Variants in B9D2 observed in about 807,000 individuals in gnomAD.
The protein encoded by B9D2 is B9 domain-containing protein 2.
In B9D2, 21 loss-of-function variants were observed where a neutral mutation model predicts 19.2. The observed-to-expected ratio is 1.09, with a 90% CI of 0.78 to 1.58. The LOEUF (loss-of-function observed/expected upper bound fraction) is 1.58. Among genes scored for constraint, B9D2 ranks in the 40% most tolerant of loss-of-function variants. The probability of loss-of-function intolerance (pLI) is 0.00; values close to 1 mark genes in which losing one functional copy is unlikely to be tolerated. For synonymous variants in B9D2, 91 were observed against 100.6 expected (o/e 0.90, Z 0.57); for missense variants, 221 against 244.3 (o/e 0.90, Z 0.64).
chr19:41,363,951 T>G lies in B9D2; in HGVS notation c.-5+7A>C, dbSNP rs2038463094. The G allele has an allele frequency of 3.1e-6, 1 of 321,942 alleles. No individual in the cohort carries two copies. Among genetic ancestry groups the G allele is most frequent in the South Asian group, 3.2e-5 (1 of 30,998 alleles). 19.9% of individuals were successfully genotyped at this position (321,942 alleles called of 1,614,324 possible). The stretch of plus-strand genomic sequence containing the variant: ...GCCTCTAAGCGCAGCGCATGCGTCA[T>G]TCCTACCTTAGCGCACTTAACGGTT... On this transcript the variant is annotated splice_region_variant and intron_variant, in intron 1 of 3. Transcript: ENST00000243578.
chr19:41,357,745 A>T, intron 3 of B9D2, 152 bp downstream of exon 3: 2 of 1,163,004 alleles, frequency 1.7e-6, no homozygotes, highest in East Asian at 4.9e-5. Context: ...GGAAGGCCTT[A>T]GCTCAGCCTC....
chr19:41,363,709 T>C (rs1004503798), intron 1 of B9D2, among the ~76,000 whole-genome samples, 186 bp from the exon 2 acceptor site: 2 of 152,044 alleles, frequency 1.3e-5, no homozygotes, highest in Non-Finnish European at 2.9e-5. Flanking sequence ...CTGGAAAAAA[T>C]GGGGGGACCC....
chr19:41,354,622 C>T lies in B9D2; in HGVS notation c.*78G>A. 1.9e-6 allele frequency: 3 copies of T among 1,569,510 alleles called. No individual in the cohort carries two copies. The highest frequency in any genetic ancestry group is 4.5e-5 in the East Asian group (2 of 44,436). ...GCTCTGACAGTCTCTAGAGTCTGTG[C>T]TCTTGACCACTGTGCCATCCTCCCC... On this transcript the variant is annotated 3_prime_UTR_variant, in exon 4 of 4. Transcript: ENST00000243578.
chr19:41,356,816 A>G (rs986351966), intron 3 of B9D2, among the ~76,000 whole-genome samples: 2 of 150,716 alleles, frequency 1.3e-5, no homozygotes, highest in African/African-American at 2.4e-5. Flanking sequence ...TTGCCACTAC[A>G]CTCCAGCCTG....
chr19:41,357,870 G>GT, intron 3 of B9D2, 27 bp downstream of exon 3: 1 of 1,613,564 alleles, frequency 6.2e-7, no homozygotes, highest in Non-Finnish European at 8.5e-7. Context: ...CCCTCAGCCT[G>GT]GACCCGGGTC....
intron 3 of B9D2, 85 bp from the exon 4 acceptor site, chr19:41,355,098 G>T: frequency 1.5e-6 from 2 of 1,326,872 alleles, no homozygotes; most frequent in Non-Finnish European, 2.0e-6. Flanking sequence ...ACTCACTGGA[G>T]ACCCCAGGCC....
chr19:41,354,781 C>T lies in B9D2; in HGVS notation c.447G>A (p.Leu149=), dbSNP rs878950346. The T allele has an allele frequency of 1.2e-6, 2 of 1,614,000 alleles. No individual in the cohort carries two copies. The highest frequency in any genetic ancestry group is 1.1e-5 in the South Asian group (1 of 91,088). The part of the protein sequence containing the change: ...TIYSGADRYR[L]HTAAGGTVHL... The stretch of plus-strand genomic sequence containing the variant: ...GCACGGTGCCACCAGCAGCTGTGTG[C>T]AGGCGATAGCGGTCGGCCCCACTGT... Residue 149 remains leucine, a synonymous_variant, in exon 4 of 4, where the codon CTG becomes CTA. Transcript: ENST00000243578.
rs112498529 is a variant in B9D2 at position 41,363,426 on chromosome 19, G to A, written c.88+6C>T. The stretch of plus-strand genomic sequence containing the variant: ...GTGTGGAAATGAACCAGGCTTGGGG[G>A]AATACCTGTGTGAATGCCCCACTTG... On this transcript the variant is annotated splice_donor_region_variant and intron_variant, in intron 2 of 3. Transcript: ENST00000243578. 537 of 1,613,922 alleles carry A rather than the reference G, an allele frequency of 3.3e-4. 6 individuals are homozygous for A. The African/African-American group carries it at 6.1e-3, about 18-fold the overall frequency.
In B9D2 at chr19:41,363,563, G is replaced by C. The variant is rs2241713; in HGVS notation, c.-4-40C>G. On this transcript the variant is annotated intron_variant, in intron 1 of 3. Coordinates refer to ENST00000243578, the MANE Select transcript of B9D2 (RefSeq NM_030578.4). ...ATATAATCACAACCCTGTGAGGTAA[G>C]TGTATTATCTCCATTTGACGGGGGG... 0.6 allele frequency: 943,759 copies of C among 1,574,388 alleles called. 285,532 individuals carry two copies. Among genetic ancestry groups the C allele is most frequent in the Non-Finnish European group, 0.62 (706,157 of 1,147,132 alleles).
rs114133150 is a variant in B9D2 at position 41,358,065 on chromosome 19, C to T, written c.89-43G>A. On this transcript the variant is annotated intron_variant, in intron 2 of 3. Transcript: ENST00000243578. ...ACATAGAGGGGTGGGAGGCAGCCAT[C>T]GGGAAGGGGATGCCGCTGTGGCTAT... The T allele has an allele frequency of 2.8e-3, 4,484 of 1,612,940 alleles. 102 individuals are homozygous for T. The African/African-American group carries it at 0.053, about 19-fold the overall frequency.
chr19:41,358,297 A>G (rs1197991086), intron 2 of B9D2, among the ~76,000 whole-genome samples: 1 of 152,128 alleles, frequency 6.6e-6, no homozygotes, highest in Non-Finnish European at 1.5e-5. Flanking sequence ...TGTTACTCTT[A>G]ACATAATATC....
chr19:41,363,619 A>C, intron 1 of B9D2, 96 bp from the exon 2 acceptor site: 1 of 1,120,064 alleles, frequency 8.9e-7, no homozygotes, highest in Non-Finnish European at 1.3e-6. Context: ...AAAGGGTAGT[A>C]CTAGGATTCC....
In B9D2 at chr19:41,354,571, G is replaced by T. The variant is rs556137005; in HGVS notation, c.*129C>A. The T allele has an allele frequency of 1.7e-5, 21 of 1,243,936 alleles. No individual in the cohort carries two copies. In the African/African-American group the frequency reaches 2.5e-4, roughly 15 times the overall value. 77.1% of individuals were successfully genotyped at this position (1,243,936 alleles called of 1,614,324 possible). ...CCCCGAGGTCCTAGAAAGGACAGAA[G>T]CGGTGCCATGCCTTAGCTGGGGTCA... is the stretch of plus-strand genomic sequence containing the variant. On this transcript the variant is annotated 3_prime_UTR_variant, in exon 4 of 4. Transcript: ENST00000243578.
chr19:41,359,286 G>A (rs2038366059), intron 2 of B9D2, among the ~76,000 whole-genome samples: 1 of 151,898 alleles, frequency 6.6e-6, no homozygotes, highest in African/African-American at 2.4e-5. Context: ...CAAAAATTAG[G>A]ATGGGCGCAG....
intron 2 of B9D2, among the ~76,000 whole-genome samples, chr19:41,358,664 A>G (rs2038354573): frequency 6.6e-6 from 1 of 152,136 alleles, no homozygotes; most frequent in African/African-American, 2.4e-5. Flanking sequence ...GCATCCTGAA[A>G]CACACATAAC....
At chr19:41,359,080 C>G (rs2038362336) in intron 2 of B9D2, among the ~76,000 whole-genome samples, 1 of 151,982 alleles carries the variant, frequency 6.6e-6, no homozygotes, top group Admixed American at 6.6e-5. Flanking sequence ...CTGCAGTGAG[C>G]CGAGATTGCA....
intron 2 of B9D2, among the ~76,000 whole-genome samples, chr19:41,359,351 G>A (rs1046272132): frequency 1.3e-5 from 2 of 151,872 alleles, no homozygotes; most frequent in African/African-American, 4.8e-5. Context: ...TGGATCACTT[G>A]AGGTCAGGGG....
intron 3 of B9D2, among the ~76,000 whole-genome samples, chr19:41,356,764 T>C (rs563424224): frequency 3.2e-4 from 48 of 151,750 alleles, no homozygotes; most frequent in African/African-American, 1.1e-3. Flanking sequence ...GGCAGGAGAA[T>C]TGCTTGAACC....
At chr19:41,363,821 G>A in intron 1 of B9D2, 137 bp downstream of exon 1, 3 of 540,824 alleles carry the variant, frequency 5.5e-6, no homozygotes, top group South Asian at 4.2e-5. Context: ...CTCCGCCCAC[G>A]AGCGCAAAAG....
Sources: gnomAD v4.1 joint callset for allele counts (sites outside exome capture counted in the v4.1 genomes callset) on GRCh38, gnomAD v4.1.1 for gene constraint, MANE v1.5 for transcripts, NCBI Gene and HGNC (gene_info 2026-07-23, HGNC 2026-07-21) for gene names.